The following OR5J2 variants were observed in gnomAD, a reference collection of about 807,000 sequenced individuals.
OR5J2 encodes olfactory receptor 5J2.
In OR5J2, 4 loss-of-function variants were observed where a neutral mutation model predicts 6.7. The observed-to-expected ratio is 0.60, with a 90% confidence interval of 0.29 to 1.37. The LOEUF (loss-of-function observed/expected upper bound fraction) is 1.37, where lower values mean the gene tolerates loss of function less well. OR5J2 is among the 40% of genes most tolerant of loss of function. The pLI, the probability that OR5J2 is intolerant of heterozygous loss-of-function variation, is 0.09. For synonymous variants in OR5J2, 174 were observed against 140.4 expected, an observed-to-expected ratio of 1.24 and a Z score of -1.69; for missense variants, 415 against 366.4, an observed-to-expected ratio of 1.13 and a Z score of -1.08.
rs903404369 is a variant in OR5J2, at chr11:56,177,294, T to C, written c.677T>C (p.Leu226Pro). 5 of 1,613,964 alleles carry C rather than the reference T, an allele frequency of 3.1e-6. No individual in the cohort carries two copies. In the African/African-American group the frequency reaches 5.3e-5, roughly 17 times the overall value. Residue 226 changes from leucine to proline, a missense_variant, in exon 1 of 1, where the codon CTA becomes CCA. By Grantham distance (98) the Leu-to-Pro change is moderately conservative. Transcript: ENST00000312298. ...TACATCTTCATTGCTTTTGCTAGCCTAAGGATCCACTCAGCATCAGGCAGA... is the reference window on the plus strand; with the variant it reads ...TACATCTTCATTGCTTTTGCTAGCCCAAGGATCCACTCAGCATCAGGCAGA... ...ISYIFIAFAS[L>P]RIHSASGRQQ...
At position 56,177,114 on chromosome 11, in the gene OR5J2, T is replaced by G. The variant is rs1852547289; in HGVS notation, c.497T>G (p.Leu166Arg). 1.2e-6 allele frequency: 2 copies of G among 1,614,142 alleles called. No homozygotes were observed. Among genetic ancestry groups the G allele is most frequent in the Non-Finnish European group, 1.7e-6 (2 of 1,179,996 alleles). ...ATCCACACAATCAGCTTGAGGAGAC[T>G]GTCCTTTTGTAGGCTAAATGCTGTC... ...TLIHTISLRR[L>R]SFCRLNAVSH... The change falls in exon 1 of 1, where the codon CTG (leucine) becomes CGG (arginine). Residue 166 changes from leucine (L) to arginine (R), a missense_variant. Transcript: ENST00000312298.
rs1204333773 is a variant in OR5J2, at chr11:56,177,424, A to G, written c.807A>G (p.Glu269=). The change falls in exon 1 of 1, where the codon GAA becomes GAG. Residue 269 remains glutamate, a synonymous_variant. Coordinates refer to ENST00000312298, the MANE Select transcript of OR5J2 (RefSeq NM_001005492.1). ...YIQPSSQYFV[E]QEKVVSMFYT... ...AGCCAAGCTCCCAGTATTTTGTGGA[A>G]CAAGAGAAAGTGGTTTCTATGTTCT... 1.9e-6 allele frequency: 3 copies of G among 1,614,076 alleles called. No homozygotes were observed. The highest frequency in any genetic ancestry group is 2.2e-5 in the South Asian group (2 of 91,086).
At position 56,176,727 on chromosome 11, in the gene OR5J2, T is replaced by C. The variant is rs1403066709; in HGVS notation, c.110T>C (p.Ile37Thr). Residue 37 changes from isoleucine (I) to threonine (T), a missense_variant, in exon 1 of 1, where the codon ATT becomes ACT. By Grantham distance (89) the Ile-to-Thr change is moderately conservative (BLOSUM62 -1). Transcript: ENST00000312298. ...GTGGTGTTCCTGGTGATTTACGCCA[T>C]TACCTTGTTGAGGAATCTGGGCATG... is the stretch of plus-strand genomic sequence containing the variant. ...LFVVFLVIYA[I>T]TLLRNLGMIL... 1 of 1,613,988 alleles carries C rather than the reference T, an allele frequency of 6.2e-7. No individual in the cohort carries two copies. Among genetic ancestry groups the C allele is most frequent in the Non-Finnish European group, 8.5e-7 (1 of 1,179,896 alleles).
At position 56,176,787 on chromosome 11, in the gene OR5J2, C is replaced by T. The variant is rs777762181; in HGVS notation, c.170C>T (p.Thr57Ile). Residue 57 changes from threonine to isoleucine, a missense_variant, in exon 1 of 1, where the codon ACA (threonine) becomes ATA (isoleucine). By Grantham distance (89) the Thr-to-Ile change is moderately conservative. Transcript: ENST00000312298. Reference sequence around the variant, plus strand: ...ATCCAAATCACCTCCAAACTCCACACACCCATGTACTTTTTACTCAGCTGT... The same window carrying T: ...ATCCAAATCACCTCCAAACTCCACATACCCATGTACTTTTTACTCAGCTGT... The part of the protein sequence containing the change: ...LLIQITSKLH[T>I]PMYFLLSCLS... The T allele has an allele frequency of 1.2e-6, 2 of 1,614,000 alleles. No homozygotes were observed. The highest frequency in any genetic ancestry group is 1.3e-5 in the African/African-American group (1 of 74,936).
Position 56,177,260 on chromosome 11 carries a change from AT to A in OR5J2, c.644del (p.Ile215ThrfsTer12). The part of the protein sequence containing the change: ...VIAMATFLTV[I>X]ISYIFIAFAS... ...TGCCATGGCCACCTTCTTGACTGTGATCATTTCCTACATCTTCATTGCTTTT... is the reference window on the plus strand; with the variant it reads ...TGCCATGGCCACCTTCTTGACTGTGACATTTCCTACATCTTCATTGCTTTT... On this transcript the variant is annotated frameshift_variant, in exon 1 of 1. Transcript: ENST00000312298. LOFTEE classifies it high-confidence loss of function. 4 of 1,613,980 alleles carry A rather than the reference AT, an allele frequency of 2.5e-6. No homozygotes were observed. The highest frequency in any genetic ancestry group is 3.4e-6 in the Non-Finnish European group (4 of 1,179,974).
chr11:56,177,448 C>G lies in OR5J2; in HGVS notation c.831C>G (p.Phe277Leu), dbSNP rs753166632. 2 of 1,613,552 alleles carry G rather than the reference C, an allele frequency of 1.2e-6. No homozygotes were observed. Among genetic ancestry groups the G allele is most frequent in the South Asian group, 1.1e-5 (1 of 91,084 alleles). ...AACAAGAGAAAGTGGTTTCTATGTT[C>G]TATACGCTAGGGATTCCCATGTTAA... is the stretch of plus-strand genomic sequence containing the variant. The part of the protein sequence containing the change: ...FVEQEKVVSM[F>L]YTLGIPMLNL... Residue 277 changes from phenylalanine to leucine, a missense_variant, in exon 1 of 1, where the codon TTC becomes TTG. By Grantham distance (22) the Phe-to-Leu change is conservative (BLOSUM62 0). Coordinates refer to ENST00000312298, the MANE Select transcript of OR5J2 (RefSeq NM_001005492.1).
At position 56,176,638 on chromosome 11, in the gene OR5J2, A is replaced by T. The variant is rs1209553686; in HGVS notation, c.21A>T (p.Thr7=). 6.2e-7 allele frequency: 1 copy of T among 1,603,938 alleles called. No homozygotes were observed. The highest frequency in any genetic ancestry group is 8.5e-7 in the Non-Finnish European group (1 of 1,173,694). ...AACATATGGCTGATGATAATTTTAC[A>T]GTTGTCACTGAGTTTATTCTTTTGG... MADDNF[T]VVTEFILLGL... Residue 7 remains threonine (T), a synonymous_variant, in exon 1 of 1, where the codon ACA becomes ACT. Transcript: ENST00000312298.
chr11:56,176,863 G>GGTT lies in OR5J2; in HGVS notation c.248_249insTGT (p.Val83dup), dbSNP rs772439209. ...CATCTGCAATTGCACCCAAAATGCT[G>GGTT]GTGAACCTCCTGGTTGTGAAGGCAA... is the stretch of plus-strand genomic sequence containing the variant. On this transcript the variant is annotated inframe_insertion, in exon 1 of 1. Coordinates refer to ENST00000312298, the MANE Select transcript of OR5J2 (RefSeq NM_001005492.1). The GGTT allele has an allele frequency of 6.2e-7, 1 of 1,614,014 alleles. No homozygotes were observed. Among genetic ancestry groups the GGTT allele is most frequent in the Non-Finnish European group, 8.5e-7 (1 of 1,179,968 alleles).
Position 56,176,887 on chromosome 11 carries a change from A to C in OR5J2, c.270A>C (p.Ala90=). ...TGGTGAACCTCCTGGTTGTGAAGGC[A>C]ACAATTTCTTTCTCTGCTTGCATGG... is the stretch of plus-strand genomic sequence containing the variant. ...KMLVNLLVVK[A]TISFSACMVQ... The change falls in exon 1 of 1, where the codon GCA becomes GCC. Residue 90 remains alanine, a synonymous_variant. Transcript: ENST00000312298. 6.2e-7 allele frequency: 1 copy of C among 1,614,112 alleles called. No individual in the cohort carries two copies. Among genetic ancestry groups the C allele is most frequent in the East Asian group, 2.2e-5 (1 of 44,868 alleles).
rs751479633 is a variant in OR5J2, at chr11:56,177,105, T to C, written c.488T>C (p.Leu163Ser). 1.2e-6 allele frequency: 2 copies of C among 1,614,128 alleles called. No homozygotes were observed. Among genetic ancestry groups the C allele is most frequent in the Non-Finnish European group, 1.7e-6 (2 of 1,179,998 alleles). ...IVNTLIHTIS[L>S]RRLSFCRLNA... ...AACACATTAATCCACACAATCAGCT[T>C]GAGGAGACTGTCCTTTTGTAGGCTA... Residue 163 changes from leucine (L) to serine (S), a missense_variant, in exon 1 of 1, where the codon TTG (leucine) becomes TCG (serine). Physicochemically the swap from Leu to Ser is moderately radical, Grantham distance 145. Transcript: ENST00000312298.
Position 56,177,468 on chromosome 11 carries a change from T to G in OR5J2, c.851T>G (p.Met284Arg). ...VSMFYTLGIP[M>R]LNLLIHSLRN... ...ATGTTCTATACGCTAGGGATTCCCATGTTAAACCTGTTGATACACAGTTTG... is the reference window on the plus strand; with the variant it reads ...ATGTTCTATACGCTAGGGATTCCCAGGTTAAACCTGTTGATACACAGTTTG... The change falls in exon 1 of 1, where the codon ATG becomes AGG. Residue 284 changes from methionine to arginine, a missense_variant. Met to Arg is a moderately conservative substitution (Grantham distance 91). Transcript: ENST00000312298. The G allele has an allele frequency of 1.2e-6, 2 of 1,613,464 alleles. No individual in the cohort carries two copies. Among genetic ancestry groups the G allele is most frequent in the Non-Finnish European group, 1.7e-6 (2 of 1,179,912 alleles).
In OR5J2 at chr11:56,177,264, T is replaced by C. The variant is rs1046323612; in HGVS notation, c.647T>C (p.Ile216Thr). 6.2e-7 allele frequency: 1 copy of C among 1,614,100 alleles called. No homozygotes were observed. The highest frequency in any genetic ancestry group is 2.2e-5 in the East Asian group (1 of 44,868). The stretch of plus-strand genomic sequence containing the variant: ...ATGGCCACCTTCTTGACTGTGATCA[T>C]TTCCTACATCTTCATTGCTTTTGCT... The part of the protein sequence containing the change: ...IAMATFLTVI[I>T]SYIFIAFASL... Residue 216 changes from isoleucine to threonine, a missense_variant, in exon 1 of 1, where the codon ATT (isoleucine) becomes ACT (threonine). Coordinates refer to ENST00000312298, the MANE Select transcript of OR5J2 (RefSeq NM_001005492.1).
At position 56,177,141 on chromosome 11, in the gene OR5J2, G is replaced by T. The variant is rs2134710834; in HGVS notation, c.524G>T (p.Ser175Ile). Reference sequence around the variant, plus strand: ...TCCTTTTGTAGGCTAAATGCTGTCAGCCACTTCTTCTGTGACATTCCTTCA... The same window carrying T: ...TCCTTTTGTAGGCTAAATGCTGTCATCCACTTCTTCTGTGACATTCCTTCA... ...RLSFCRLNAV[S>I]HFFCDIPSLL... The change falls in exon 1 of 1, where the codon AGC becomes ATC. Residue 175 changes from serine (S) to isoleucine (I), a missense_variant. Coordinates refer to ENST00000312298, the MANE Select transcript of OR5J2 (RefSeq NM_001005492.1). 6.2e-7 allele frequency: 1 copy of T among 1,614,100 alleles called. No individual in the cohort carries two copies. Among genetic ancestry groups the T allele is most frequent in the Non-Finnish European group, 8.5e-7 (1 of 1,179,982 alleles).
rs762704004 is a variant in OR5J2, at chr11:56,177,426, A to T, written c.809A>T (p.Gln270Leu). The change falls in exon 1 of 1, where the codon CAA (glutamine) becomes CTA (leucine). Residue 270 changes from glutamine to leucine, a missense_variant. Gln to Leu is a moderately radical substitution (Grantham distance 113). Transcript: ENST00000312298. ...CCAAGCTCCCAGTATTTTGTGGAAC[A>T]AGAGAAAGTGGTTTCTATGTTCTAT... ...IQPSSQYFVEQEKVVSMFYTL... is the reference protein window; with the variant it reads ...IQPSSQYFVELEKVVSMFYTL... The T allele has an allele frequency of 6.2e-7, 1 of 1,614,052 alleles. No homozygotes were observed. The highest frequency in any genetic ancestry group is 8.5e-7 in the Non-Finnish European group (1 of 1,179,932).
In OR5J2 at chr11:56,177,221, T is replaced by A; in HGVS notation, c.604T>A (p.Phe202Ile). 6.2e-7 allele frequency: 1 copy of A among 1,614,064 alleles called. No individual in the cohort carries two copies. The highest frequency in any genetic ancestry group is 8.5e-7 in the Non-Finnish European group (1 of 1,179,960). ...TSMNELLLLT[F>I]SGVIAMATFL... ...CATGAATGAGTTGTTGCTGTTAACC[T>A]TCTCCGGAGTCATTGCCATGGCCAC... Residue 202 changes from phenylalanine to isoleucine, a missense_variant, in exon 1 of 1, where the codon TTC (phenylalanine) becomes ATC (isoleucine). Phe to Ile is a conservative substitution (Grantham distance 21). Transcript: ENST00000312298.
rs760064405 is a variant in OR5J2 at position 56,177,240 on chromosome 11, T to C, written c.623T>C (p.Met208Thr). 3.1e-6 allele frequency: 5 copies of C among 1,613,986 alleles called. No individual in the cohort carries two copies. The African/African-American group carries it at 4.0e-5, about 13-fold the overall frequency. ...TTAACCTTCTCCGGAGTCATTGCCA[T>C]GGCCACCTTCTTGACTGTGATCATT... ...LLLTFSGVIA[M>T]ATFLTVIISY... The change falls in exon 1 of 1, where the codon ATG becomes ACG. Residue 208 changes from methionine to threonine, a missense_variant. By Grantham distance (81) the Met-to-Thr change is moderately conservative. Coordinates refer to ENST00000312298, the MANE Select transcript of OR5J2 (RefSeq NM_001005492.1).
Position 56,176,935 on chromosome 11 carries a change from G to A in OR5J2, c.318G>A (p.Val106=), listed in dbSNP as rs148761337. The part of the protein sequence containing the change: ...ACMVQHLCFG[V]FITTEGFLLS... ...TGGTACAGCATTTGTGTTTCGGAGT[G>A]TTCATCACCACAGAAGGCTTCTTAC... Residue 106 remains valine (V), a synonymous_variant, in exon 1 of 1, where the codon GTG becomes GTA. Transcript: ENST00000312298. 6.2e-5 allele frequency: 100 copies of A among 1,614,092 alleles called. No homozygotes were observed. Among genetic ancestry groups the A allele is most frequent in the Middle Eastern group, 1.6e-4 (1 of 6,062 alleles).
At position 56,176,726 on chromosome 11, in the gene OR5J2, A is replaced by G; in HGVS notation, c.109A>G (p.Ile37Val). 6.2e-7 allele frequency: 1 copy of G among 1,614,010 alleles called. No individual in the cohort carries two copies. Among genetic ancestry groups the G allele is most frequent in the South Asian group, 1.1e-5 (1 of 91,090 alleles). The change falls in exon 1 of 1, where the codon ATT becomes GTT. Residue 37 changes from isoleucine to valine, a missense_variant. Coordinates refer to ENST00000312298, the MANE Select transcript of OR5J2 (RefSeq NM_001005492.1). Reference sequence around the variant, plus strand: ...TGTGGTGTTCCTGGTGATTTACGCCATTACCTTGTTGAGGAATCTGGGCAT... The same window carrying G: ...TGTGGTGTTCCTGGTGATTTACGCCGTTACCTTGTTGAGGAATCTGGGCAT... The part of the protein sequence containing the change: ...LFVVFLVIYA[I>V]TLLRNLGMIL...
Position 56,177,541 on chromosome 11 carries a change from A to G in OR5J2, c.924A>G (p.Lys308=). 1 of 1,590,154 alleles carries G rather than the reference A, an allele frequency of 6.3e-7. No homozygotes were observed. The highest frequency in any genetic ancestry group is 8.5e-7 in the Non-Finnish European group (1 of 1,170,966). Residue 308 remains lysine, a synonymous_variant, in exon 1 of 1, where the codon AAA becomes AAG. Coordinates refer to ENST00000312298, the MANE Select transcript of OR5J2 (RefSeq NM_001005492.1). ...CAGTGAAAAGGGCCATAGAAATGAA[A>G]CATTTCCTCTGTTAATTTCAAGTCA... ...KEAVKRAIEM[K]HFLC
Sources: allele counts gnomAD v4.1 joint callset, GRCh38; gene constraint gnomAD v4.1.1; transcripts MANE v1.5; gene names NCBI Gene and HGNC (gene_info 2026-07-23, HGNC 2026-07-21).